The following ZFHX3 variants were observed in gnomAD, a reference collection of about 807,000 sequenced individuals.
The protein encoded by ZFHX3 is zinc finger homeobox protein 3.
ZFHX3 carries 42 observed loss-of-function variants against 279.1 expected under a neutral mutation model. The observed-to-expected ratio is 0.15, with a 90% CI of 0.12 to 0.19. The LOEUF is 0.19. Ranked by LOEUF, ZFHX3 falls within the 10% of genes least tolerant of loss-of-function variation. The pLI is 1.00. For missense variants in ZFHX3, 4,981 were observed against 4,754.0 expected, an observed-to-expected ratio of 1.05 and a Z score of -1.40; for synonymous variants, 2,293 against 1,957.8, an observed-to-expected ratio of 1.17 and a Z score of -4.52.
At chr16:73,713,285 T>G (rs2053382063) in intron 1 of ZFHX3, among the ~76,000 whole-genome samples, 1 of 152,220 alleles carries the variant, frequency 6.6e-6, no homozygotes, top group Non-Finnish European at 1.5e-5. Flanking sequence ...GAGCTGCGAA[T>G]TCATTAAACT....
chr16:73,476,187 T>C (rs1170676458), intron 2 of ZFHX3, among the ~76,000 whole-genome samples: 5 of 152,292 alleles, frequency 3.3e-5, no homozygotes, highest in South Asian at 4.1e-4. Flanking sequence ...TTGAGCACTC[T>C]ATTCTTTTGA....
At chr16:73,295,166 G>A (rs1222784998) in intron 4 of ZFHX3, among the ~76,000 whole-genome samples, 2 of 152,146 alleles carry the variant, frequency 1.3e-5, no homozygotes, top group Non-Finnish European at 2.9e-5. Context: ...AGTGAGCTGA[G>A]ATCGCGCCAC....
At chr16:73,388,475 A>G (rs2016945022) in intron 3 of ZFHX3, among the ~76,000 whole-genome samples, 1 of 152,206 alleles carries the variant, frequency 6.6e-6, no homozygotes, top group Non-Finnish European at 1.5e-5. Flanking sequence ...AACCAAAAAT[A>G]TCCTAGTCCC....
chr16:72,958,611 C>T lies in ZFHX3; in HGVS notation c.1535G>A (p.Gly512Glu). ...TTTGCTGCTACTACCTGCTGCGGCC[C>T]CAGGCTCCTCATGGGGCCTGTCCTC... Reference protein sequence around the residue: ...ELEDRPHEEPGAAAGSSSKKD... With the variant: ...ELEDRPHEEPEAAAGSSSKKD... Residue 512 changes from glycine (G) to glutamate (E), a missense_variant, in exon 2 of 10, where the codon GGG (glycine) becomes GAG (glutamate). Around this residue, in one of 7 missense-constraint regions of ZFHX3, gnomAD observed 1,068 missense variants for 935.2 expected, o/e 1.14. Transcript: ENST00000268489. 4 of 1,614,088 alleles carry T rather than the reference C, an allele frequency of 2.5e-6. No individual in the cohort carries two copies. The highest frequency in any genetic ancestry group is 3.4e-6 in the Non-Finnish European group (4 of 1,180,006).
chr16:72,856,022 G>C (rs974528286), intron 4 of ZFHX3, among the ~76,000 whole-genome samples: 10 of 152,258 alleles, frequency 6.6e-5, no homozygotes, highest in Admixed American at 2.6e-4. Flanking sequence ...CTTGTGTTTA[G>C]ACTGCAATTA....
chr16:73,691,340 T>C (rs1361397206), intron 1 of ZFHX3, among the ~76,000 whole-genome samples: 1 of 152,166 alleles, frequency 6.6e-6, no homozygotes, highest in African/African-American at 2.4e-5. Flanking sequence ...AAAAACAAGA[T>C]TATAGTACTG....
At chr16:73,342,189 C>A (rs2016044405) in intron 3 of ZFHX3, among the ~76,000 whole-genome samples, 1 of 152,136 alleles carries the variant, frequency 6.6e-6, no homozygotes. Flanking sequence ...TAGGGGGAAA[C>A]AGGCCTTTTC....
chr16:73,770,170 T>C (rs2054001815), intron 1 of ZFHX3, among the ~76,000 whole-genome samples: 1 of 152,224 alleles, frequency 6.6e-6, no homozygotes, highest in Admixed American at 6.5e-5. Flanking sequence ...ATTGGTCCAG[T>C]GTAATCACAA....
chr16:73,870,735 T>C (rs896975727), intron 1 of ZFHX3, among the ~76,000 whole-genome samples: 1 of 152,198 alleles, frequency 6.6e-6, no homozygotes, highest in Non-Finnish European at 1.5e-5. Context: ...TTGAAGTTTG[T>C]TGTGGGGCCC....
chr16:73,431,896 AC>A (rs2017917940), intron 3 of ZFHX3, among the ~76,000 whole-genome samples: 1 of 152,048 alleles, frequency 6.6e-6, no homozygotes, highest in South Asian at 2.1e-4. Context: ...TGGAGAAGCA[AC>A]TAGACCTTGG....
chr16:73,151,380 C>T (rs1360529568), intron 5 of ZFHX3, among the ~76,000 whole-genome samples: 4 of 151,888 alleles, frequency 2.6e-5, no homozygotes, highest in Admixed American at 2.0e-4. Context: ...AAGGCTTCCT[C>T]GTTGGGAAAG....
chr16:73,058,811 C>G (rs1334997897), exon 1 of ZFHX3: 1 of 160,106 alleles, frequency 6.2e-6, no homozygotes, highest in African/African-American at 2.5e-5. Flanking sequence ...TGCCGCCGAG[C>G]AGCATGGTTG....
At position 73,155,652 on chromosome 16, in the gene ZFHX3, G is replaced by A. The variant is rs142563602; in HGVS notation, c.-1103-11821C>T. 2.9e-4 allele frequency among the ~76,000 whole-genome samples: 44 copies of A among 152,120 alleles called. No individual in the cohort carries two copies. In the South Asian group the frequency reaches 5.8e-3, roughly 20 times the overall value. ...AGCCTGGCCAATGTGGTGAAACACC[G>A]TCTCTACTAAAAATTAAAAAATTAG... is the stretch of plus-strand genomic sequence containing the variant. On this transcript the variant is annotated intron_variant, in intron 5 of 17. Coordinates refer to the ZFHX3 transcript ENST00000641206.
At chr16:73,784,564 T>A (rs1403766093) in intron 1 of ZFHX3, among the ~76,000 whole-genome samples, 1 of 151,740 alleles carries the variant, frequency 6.6e-6, no homozygotes, top group Non-Finnish European at 1.5e-5. Context: ...CTGGCCAACA[T>A]GGTGAAACCC....
chr16:73,534,736 C>T (rs1351050432), intron 2 of ZFHX3, among the ~76,000 whole-genome samples: 5 of 152,220 alleles, frequency 3.3e-5, no homozygotes, highest in Admixed American at 6.5e-5. Flanking sequence ...CCGCCATCAT[C>T]GTAATCGTCA....
chr16:73,575,371 CATG>C (rs1177009952), intron 2 of ZFHX3, among the ~76,000 whole-genome samples: 1 of 152,198 alleles, frequency 6.6e-6, no homozygotes, highest in Non-Finnish European at 1.5e-5. Flanking sequence ...GTTCCGGGCA[CATG>C]ATGTTTTGTC....
chr16:73,404,569 C>CCATTATTGTTGTTGGTAT (rs1455314408), intron 3 of ZFHX3, among the ~76,000 whole-genome samples: 1 of 152,128 alleles, frequency 6.6e-6, no homozygotes, highest in Non-Finnish European at 1.5e-5. Context: ...GAGCTAATTG[C>CCATTATTGTTGTTGGTAT]CATTATTGTT....
At chr16:73,780,030 G>A (rs532506356) in intron 1 of ZFHX3, among the ~76,000 whole-genome samples, 7 of 141,634 alleles carry the variant, frequency 4.9e-5, no homozygotes, top group East Asian at 4.5e-4. Context: ...TTCACCTAGC[G>A]CAGACTATGA....
At chr16:73,713,418 T>C (rs1344772057) in intron 1 of ZFHX3, among the ~76,000 whole-genome samples, 1 of 152,212 alleles carries the variant, frequency 6.6e-6, no homozygotes, top group Non-Finnish European at 1.5e-5. Flanking sequence ...CAGTTTATAA[T>C]ATAAAGGGCT....
Sources: allele counts gnomAD v4.1 joint callset (sites outside exome capture counted in the v4.1 genomes callset), GRCh38; gene constraint gnomAD v4.1.1; regional missense constraint gnomAD v4.1.1; transcripts MANE v1.5; gene names NCBI Gene and HGNC (gene_info 2026-07-23, HGNC 2026-07-21).